The following PPM1L variants were observed in gnomAD, a reference collection of about 807,000 sequenced individuals.
PPM1L encodes the protein protein phosphatase 1L.
PPM1L carries 13 observed loss-of-function variants against 31.4 expected under a neutral mutation model. The ratio of observed to expected loss-of-function variants is 0.41; its 90% CI spans 0.27 to 0.66. The LOEUF (loss-of-function observed/expected upper bound fraction) is 0.66, where lower values mean the gene tolerates loss of function less well. Among genes scored for constraint, PPM1L ranks in the 30% least tolerant of loss-of-function variants. PPM1L has a pLI of 0.29. For synonymous variants in PPM1L, 184 were observed against 175.4 expected, an observed-to-expected ratio of 1.05 and a Z score of -0.39; for missense variants, 326 against 453.7, an observed-to-expected ratio of 0.72 and a Z score of 2.56.
intron 1 of PPM1L, among the ~76,000 whole-genome samples, chr3:160,827,772 T>C (rs762707966): frequency 3.0e-4 from 45 of 152,032 alleles, no homozygotes; most frequent in Non-Finnish European, 4.9e-4. Context: ...CATTCTTGCA[T>C]TGTGATAAAG....
chr3:161,024,434 C>T (rs1163605179), intron 2 of PPM1L, among the ~76,000 whole-genome samples: 2 of 152,136 alleles, frequency 1.3e-5, no homozygotes, highest in South Asian at 2.1e-4. Context: ...TGCAGTGGCT[C>T]ATGCCTGTAA....
At chr3:161,051,616 GAGTCAGTTTTAT>G (rs1719283367) in intron 2 of PPM1L, among the ~76,000 whole-genome samples, 1 of 152,102 alleles carries the variant, frequency 6.6e-6, no homozygotes, top group African/African-American at 2.4e-5. Flanking sequence ...CATAGCTTTA[GAGTCAGTTTTAT>G]AGTCTGCTGA....
chr3:161,039,791 C>T (rs1435068122), intron 2 of PPM1L, among the ~76,000 whole-genome samples: 3 of 152,188 alleles, frequency 2.0e-5, no homozygotes, highest in African/African-American at 4.8e-5. Flanking sequence ...GCTGGGATTA[C>T]AGGCGTGAGC....
intron 1 of PPM1L, chr3:160,870,624 C>T (rs1051920387): frequency 4.6e-5 from 7 of 152,136 alleles, no homozygotes; most frequent in Non-Finnish European, 7.3e-5. Flanking sequence ...TGACACTTCT[C>T]GGTCATTTCT....
At chr3:160,945,129 C>CATATATGT (rs1715365560) in intron 1 of PPM1L, among the ~76,000 whole-genome samples, 1 of 69,104 alleles carries the variant, frequency 1.4e-5, no homozygotes, top group Non-Finnish European at 2.8e-5. Context: ...ATCTATCTAT[C>CATATATGT]TATCTATCTA....
chr3:160,974,354 C>A (rs927033521), intron 2 of PPM1L, among the ~76,000 whole-genome samples: 11 of 152,000 alleles, frequency 7.2e-5, no homozygotes, highest in African/African-American at 2.7e-4. Flanking sequence ...GTCTTTATAG[C>A]AGCATGATTT....
intron 1 of PPM1L, among the ~76,000 whole-genome samples, chr3:160,808,179 T>C (rs1289590095): frequency 6.6e-6 from 1 of 152,242 alleles, no homozygotes; most frequent in Non-Finnish European, 1.5e-5. Context: ...TGTAGTAATT[T>C]AGATTTTCTA....
intron 1 of PPM1L, among the ~76,000 whole-genome samples, chr3:160,765,872 T>C (rs1166413719): frequency 6.6e-6 from 1 of 152,316 alleles, no homozygotes; most frequent in African/African-American, 2.4e-5. Flanking sequence ...ATATTGTTAA[T>C]TTTAAGCAGC....
intron 1 of PPM1L, among the ~76,000 whole-genome samples, chr3:160,786,207 A>ATTTTTT (rs35386910): frequency 2.9e-4 from 9 of 30,882 alleles, no homozygotes; most frequent in South Asian, 1.5e-3. Context: ...ATATATATAT[A>ATTTTTT]TTTTTTTTTT....
chr3:160,861,390 G>C (rs187500644), intron 1 of PPM1L, among the ~76,000 whole-genome samples: 10 of 152,294 alleles, frequency 6.6e-5, no homozygotes, highest in Admixed American at 1.3e-4. Flanking sequence ...ACAGGGAAAA[G>C]CTAGATTATC....
intron 2 of PPM1L, among the ~76,000 whole-genome samples, chr3:161,038,437 G>T (rs1718810829): frequency 6.6e-6 from 1 of 151,770 alleles, no homozygotes; most frequent in African/African-American, 2.4e-5. Flanking sequence ...TCAGCCTCCT[G>T]AGCAGCTAGA....
At chr3:160,843,099 A>T (rs1713942195) in intron 1 of PPM1L, among the ~76,000 whole-genome samples, 1 of 152,000 alleles carries the variant, frequency 6.6e-6, no homozygotes, top group South Asian at 2.1e-4. Context: ...TTTAAAAAAA[A>T]TTGTTTTAAA....
intron 2 of PPM1L, chr3:161,022,107 G>A (rs180817872): frequency 3.0e-6 from 2 of 655,806 alleles, no homozygotes; most frequent in Non-Finnish European, 5.5e-6. Context: ...CTTTTGTGTA[G>A]CTAGATGTTT....
chr3:160,857,299 T>C (rs1711743888), intron 1 of PPM1L, among the ~76,000 whole-genome samples: 1 of 152,202 alleles, frequency 6.6e-6, no homozygotes, highest in African/African-American at 2.4e-5. Context: ...CATTTTATCT[T>C]TAGCCTCCGA....
intron 1 of PPM1L, among the ~76,000 whole-genome samples, chr3:160,885,219 A>G (rs1409751502): frequency 6.6e-6 from 1 of 152,174 alleles, no homozygotes; most frequent in African/African-American, 2.4e-5. Context: ...CTAAATCCCT[A>G]ATTGCTTACT....
In PPM1L at chr3:160,774,390, A is replaced by G. The variant is rs185874249; in HGVS notation, c.399+17683A>G. On this transcript the variant is annotated intron_variant, in intron 1 of 3. Transcript: ENST00000498165. ...CTAGGATTGTGACAGTGGCCTCCTCATGGTCACTTTGTCTCTGGCATCTCT... is the reference window on the plus strand; with the variant it reads ...CTAGGATTGTGACAGTGGCCTCCTCGTGGTCACTTTGTCTCTGGCATCTCT... 1.1e-3 allele frequency among the ~76,000 whole-genome samples: 161 copies of G among 152,152 alleles called. 2 individuals carry two copies. Among genetic ancestry groups the G allele is most frequent in the African/African-American group, 2.8e-3 (115 of 41,496 alleles).
At chr3:160,764,495 G>A (rs1189827942) in intron 1 of PPM1L, among the ~76,000 whole-genome samples, 2 of 147,362 alleles carry the variant, frequency 1.4e-5, no homozygotes. Context: ...TTAAGACGGT[G>A]TCTTGTTCTG....
At chr3:160,985,186 A>G (rs190130336) in intron 2 of PPM1L, among the ~76,000 whole-genome samples, 1 of 152,132 alleles carries the variant, frequency 6.6e-6, no homozygotes, top group Non-Finnish European at 1.5e-5. Flanking sequence ...TTTTAATTTC[A>G]ATAGGATTTT....
intron 1 of PPM1L, among the ~76,000 whole-genome samples, chr3:160,951,847 G>A (rs749412395): frequency 3.3e-5 from 5 of 152,192 alleles, no homozygotes; most frequent in Non-Finnish European, 7.3e-5. Flanking sequence ...TGAGTGTTAT[G>A]CCCTCTGTGG....
Sources: allele counts gnomAD v4.1 joint callset (sites outside exome capture counted in the v4.1 genomes callset), GRCh38; gene constraint gnomAD v4.1.1; transcripts MANE v1.5; gene names NCBI Gene and HGNC (gene_info 2026-07-23, HGNC 2026-07-21).